PBRM1: variants seen among roughly 807,000 people sequenced by gnomAD.
The protein encoded by PBRM1 is polybromo 1, also known as protein polybromo-1.
PBRM1 carries 27 observed loss-of-function variants against 194.5 expected under a neutral mutation model. That is an observed-to-expected ratio of 0.14 (90% CI 0.10 to 0.19). The LOEUF is 0.19. Among genes scored for constraint, PBRM1 ranks in the 10% least tolerant of loss-of-function variants. PBRM1 has a pLI of 1.00. For missense variants in PBRM1, 1,466 were observed against 2,077.2 expected, an observed-to-expected ratio of 0.71 and a Z score of 5.72; for synonymous variants, 655 against 693.2, an observed-to-expected ratio of 0.94 and a Z score of 0.87.
Position 52,662,287 on chromosome 3 carries a change from G to C in PBRM1, c.385-11C>G, listed in dbSNP as rs116758482. On this transcript the variant is annotated splice_polypyrimidine_tract_variant and intron_variant, in intron 3 of 29. Coordinates refer to ENST00000296302, the Ensembl canonical transcript of PBRM1. ...TTCAGGAGAATCTGGCTGTATGTTA[G>C]CAAAGAGAAAAAAAAAAACACTTTA... 3.0e-3 allele frequency: 4,730 copies of C among 1,571,404 alleles called. 143 individuals carry two copies. In the African/African-American group the frequency reaches 0.057, roughly 19 times the overall value.
intron 2 of PBRM1, among the ~76,000 whole-genome samples, chr3:52,674,272 G>A (rs12632265): frequency 0.34 from 51,155 of 150,838 alleles, 9,656 homozygotes; most frequent in Admixed American, 0.46. Flanking sequence ...ACCTAAGGTC[G>A]GGAGTTTGAG....
intron 19 of PBRM1, among the ~76,000 whole-genome samples, chr3:52,587,105 A>C (rs577956858): frequency 6.6e-6 from 1 of 152,282 alleles, no homozygotes; most frequent in South Asian, 2.1e-4. Flanking sequence ...CATACTTAAA[A>C]ATTAGCCTGG....
At chr3:52,564,681 G>A (rs2153532130) in intron 22 of PBRM1, among the ~76,000 whole-genome samples, 1 of 151,956 alleles carries the variant, frequency 6.6e-6, no homozygotes, top group South Asian at 2.1e-4. Context: ...AATACAATAT[G>A]TATTGGCATA....
intron 17 of PBRM1, among the ~76,000 whole-genome samples, chr3:52,594,445 T>G (rs2093383383): frequency 6.6e-6 from 1 of 152,216 alleles, no homozygotes; most frequent in African/African-American, 2.4e-5. Flanking sequence ...CTCCATGTCT[T>G]TATTTTGAGC....
Position 52,678,591 on chromosome 3 carries a change from C to T in PBRM1, c.145G>A (p.Val49Met), listed in dbSNP as rs542945393. 35 of 1,601,548 alleles carry T rather than the reference C, an allele frequency of 2.2e-5. No individual in the cohort carries two copies. The South Asian group carries it at 2.9e-4, about 13-fold the overall frequency. The change falls in exon 2 of 30, where the codon GTG becomes ATG. Residue 49 changes from valine (V) to methionine (M), a missense_variant. Val to Met is a conservative substitution (Grantham distance 21). Coordinates refer to ENST00000296302, the Ensembl canonical transcript of PBRM1. ...ATGGTATTATAGAGTTCATGGCACA[C>T]GGCAATCTACACATTAGCAAAGGAG...
chr3:52,617,573 G>C, intron 13 of PBRM1, 35 bp from the exon 16 acceptor site: 2 of 1,516,258 alleles, frequency 1.3e-6, no homozygotes, highest in Non-Finnish European at 8.9e-7. Context: ...GGAAAAATTA[G>C]AATAGGTTCA....
chr3:52,628,920 C>G (rs768428845), exon 12 of PBRM1: 1 of 1,613,898 alleles, frequency 6.2e-7, no homozygotes, highest in Non-Finnish European at 8.5e-7. Flanking sequence ...AATTTTAGAA[C>G]TCGCTTGTAG....
At chr3:52,597,080 C>T (rs980240352) in intron 17 of PBRM1, among the ~76,000 whole-genome samples, 1 of 152,158 alleles carries the variant, frequency 6.6e-6, no homozygotes, top group African/African-American at 2.4e-5. Flanking sequence ...CTGTGGGCAT[C>T]GGCTGAGTTC....
chr3:52,685,872 C>T, upstream of PBRM1: 1 of 537,742 alleles, frequency 1.9e-6, no homozygotes, highest in South Asian at 2.2e-5. Context: ...CGGCACCCGC[C>T]GCCCTCACCT....
In PBRM1 at chr3:52,578,765, G is replaced by A. The variant is rs188484433; in HGVS notation, c.3533+289C>T. 1.9e-3 allele frequency among the ~76,000 whole-genome samples: 284 copies of A among 152,328 alleles called. 1 individual carries two copies. The highest frequency in any genetic ancestry group is 3.4e-3 in the Non-Finnish European group (231 of 68,032). On this transcript the variant is annotated intron_variant, in intron 21 of 29. Transcript: ENST00000296302. ...AACCCATTCTGCAGTGGACAGGAAAGACTTCCTTTTAAGAAAGTGTCACTT... is the reference window on the plus strand; with the variant it reads ...AACCCATTCTGCAGTGGACAGGAAAAACTTCCTTTTAAGAAAGTGTCACTT...
upstream of PBRM1, among the ~76,000 whole-genome samples, chr3:52,683,492 T>C (rs1257491057): frequency 6.6e-6 from 1 of 152,136 alleles, no homozygotes; most frequent in Non-Finnish European, 1.5e-5. Flanking sequence ...GGTTATGTGC[T>C]CAGTTTATCT....
chr3:52,582,495 C>T (rs1229252159), intron 20 of PBRM1, among the ~76,000 whole-genome samples: 1 of 150,096 alleles, frequency 6.7e-6, no homozygotes, highest in Non-Finnish European at 1.5e-5. Flanking sequence ...CTGCAGCCTC[C>T]ACCTACTGGG....
At chr3:52,657,968 T>A (rs1419344127) in intron 5 of PBRM1, among the ~76,000 whole-genome samples, 5 of 150,844 alleles carry the variant, frequency 3.3e-5, no homozygotes, top group Admixed American at 2.6e-4. Flanking sequence ...ATTTTTTGTA[T>A]TTTTAGTAGA....
intron 6 of PBRM1, among the ~76,000 whole-genome samples, chr3:52,649,882 G>A (rs934839): frequency 6.6e-6 from 1 of 152,014 alleles, no homozygotes; most frequent in Non-Finnish European, 1.5e-5. Flanking sequence ...GAGACTTTTG[G>A]AAAGAAGAAA....
At chr3:52,590,640 TTTTTC>T (rs1319336227) in intron 17 of PBRM1, among the ~76,000 whole-genome samples, 4 of 151,450 alleles carry the variant, frequency 2.6e-5, no homozygotes, top group African/African-American at 4.9e-5. Context: ...TTAAATTTTC[TTTTTC>T]TTTTTTTAGA....
At chr3:52,597,036 T>G (rs572319694) in intron 17 of PBRM1, among the ~76,000 whole-genome samples, 1 of 152,114 alleles carries the variant, frequency 6.6e-6, no homozygotes, top group African/African-American at 2.4e-5. Context: ...GCTGGACAAT[T>G]CCCCTCTGAT....
At chr3:52,639,360 C>T (rs1221578533) in intron 10 of PBRM1, among the ~76,000 whole-genome samples, 1 of 152,092 alleles carries the variant, frequency 6.6e-6, no homozygotes, top group Non-Finnish European at 1.5e-5. Context: ...AATCTCACCT[C>T]AGACTTATTT....
chr3:52,571,803 C>T (rs890335925), intron 22 of PBRM1, among the ~76,000 whole-genome samples: 2 of 127,890 alleles, frequency 1.6e-5, no homozygotes, highest in Non-Finnish European at 3.1e-5. Context: ...AGGGAGGATG[C>T]TTGAGGCCAG....
At chr3:52,617,077 T>G (rs1419209967) in intron 14 of PBRM1, among the ~76,000 whole-genome samples, 185 bp downstream of exon 16, 1 of 152,088 alleles carries the variant, frequency 6.6e-6, no homozygotes, top group Non-Finnish European at 1.5e-5. Context: ...GATTACAAAG[T>G]AGGAACGTTT....
Sources: gnomAD v4.1 joint callset for allele counts (sites outside exome capture counted in the v4.1 genomes callset) on GRCh38, gnomAD v4.1.1 for gene constraint, MANE v1.5 for transcripts, NCBI Gene and HGNC (gene_info 2026-07-23, HGNC 2026-07-21) for gene names.